The following CELF4 variants were observed in gnomAD, a reference collection of about 807,000 sequenced individuals.
The protein encoded by CELF4 is CUG-BP- and ETR-3-like factor 4.
Under a neutral mutation model 59.9 loss-of-function variants are expected in CELF4, and 18 were observed. The observed-to-expected ratio is 0.30, with a 90% CI of 0.21 to 0.45. The LOEUF (loss-of-function observed/expected upper bound fraction) is 0.45, where lower values mean the gene tolerates loss of function less well. Ranked by LOEUF, CELF4 falls within the 20% of genes least tolerant of loss-of-function variation. The probability of loss-of-function intolerance (pLI) is 1.00; values close to 1 mark genes in which losing one functional copy is unlikely to be tolerated. For missense variants in CELF4, 456 were observed against 689.0 expected, an observed-to-expected ratio of 0.66 and a Z score of 3.79; for synonymous variants, 261 against 267.1, an observed-to-expected ratio of 0.98 and a Z score of 0.22.
At chr18:37,483,348 T>C (rs1001084129) in intron 2 of CELF4, among the ~76,000 whole-genome samples, 4 of 152,232 alleles carry the variant, frequency 2.6e-5, no homozygotes, top group Non-Finnish European at 5.9e-5. Context: ...AATCCGGTCT[T>C]TTATTCCTGC....
chr18:37,409,533 G>A (rs868376168), intron 2 of CELF4, among the ~76,000 whole-genome samples: 1 of 152,122 alleles, frequency 6.6e-6, no homozygotes, highest in African/African-American at 2.4e-5. Flanking sequence ...TTTACTCTAC[G>A]CTATTCTGAA....
At chr18:37,526,979 G>A (rs2099964621) in intron 1 of CELF4, among the ~76,000 whole-genome samples, 1 of 152,094 alleles carries the variant, frequency 6.6e-6, no homozygotes, top group African/African-American at 2.4e-5. Context: ...TATAAAATGG[G>A]CAGTAGACCA....
chr18:37,339,720 C>G (rs955605304), intron 2 of CELF4, among the ~76,000 whole-genome samples: 3 of 150,620 alleles, frequency 2.0e-5, no homozygotes, highest in African/African-American at 4.9e-5. Flanking sequence ...CACTACTGTA[C>G]TCCAGCCTGG....
At chr18:37,437,232 AG>A (rs1221036539) in intron 2 of CELF4, among the ~76,000 whole-genome samples, 1 of 152,190 alleles carries the variant, frequency 6.6e-6, no homozygotes, top group Admixed American at 6.5e-5. Context: ...AAGAATGAGA[AG>A]GCAGGAGAAG....
intron 3 of CELF4, among the ~76,000 whole-genome samples, chr18:37,280,990 A>G (rs2094066080): frequency 6.6e-6 from 1 of 152,240 alleles, no homozygotes; most frequent in African/African-American, 2.4e-5. Flanking sequence ...AACCTCCTGC[A>G]TCCTCCCATG....
At chr18:37,344,395 C>A (rs542716118) in intron 2 of CELF4, among the ~76,000 whole-genome samples, 5 of 152,224 alleles carry the variant, frequency 3.3e-5, no homozygotes, top group African/African-American at 1.2e-4. Flanking sequence ...TGGGGTGCCA[C>A]GGGGCAGAGA....
chr18:37,266,983 G>C (rs2077956645), intron 8 of CELF4, among the ~76,000 whole-genome samples: 1 of 150,946 alleles, frequency 6.6e-6, no homozygotes, highest in South Asian at 2.1e-4. Flanking sequence ...GGGCTGTGGG[G>C]AAAGGGGAGG....
intron 2 of CELF4, among the ~76,000 whole-genome samples, chr18:37,363,242 C>T (rs1356316317): frequency 6.6e-6 from 1 of 152,094 alleles, no homozygotes; most frequent in Non-Finnish European, 1.5e-5. Flanking sequence ...TCAAAAAAAT[C>T]CCATTAGTAG....
chr18:37,431,275 T>C (rs1264257016), intron 2 of CELF4, among the ~76,000 whole-genome samples: 1 of 152,072 alleles, frequency 6.6e-6, no homozygotes, highest in Non-Finnish European at 1.5e-5. Context: ...GGAGGTCTTA[T>C]CATCTCATCT....
intron 1 of CELF4, among the ~76,000 whole-genome samples, chr18:37,536,062 G>A (rs1223686190): frequency 6.6e-6 from 1 of 152,160 alleles, no homozygotes; most frequent in Admixed American, 6.5e-5. Context: ...CATCCTGGGT[G>A]TCATCAATGC....
At chr18:37,421,089 T>C (rs1569569344) in intron 2 of CELF4, among the ~76,000 whole-genome samples, 1 of 152,170 alleles carries the variant, frequency 6.6e-6, no homozygotes, top group Non-Finnish European at 1.5e-5. Flanking sequence ...TTTCTGCCTC[T>C]TCCCCATCCC....
chr18:37,467,219 T>C (rs113004994), intron 2 of CELF4, among the ~76,000 whole-genome samples: 216 of 152,284 alleles, frequency 1.4e-3, no homozygotes, highest in African/African-American at 4.9e-3. Flanking sequence ...CAGAGTGCCC[T>C]CCTTTTAGGT....
At chr18:37,549,369 C>G (rs942085764) in intron 1 of CELF4, among the ~76,000 whole-genome samples, 1 of 152,140 alleles carries the variant, frequency 6.6e-6, no homozygotes. Context: ...AGGTTTGAGA[C>G]AGGGAAAAAA....
At chr18:37,271,882 G>A (rs1040324337) in intron 7 of CELF4, among the ~76,000 whole-genome samples, 2 of 152,214 alleles carry the variant, frequency 1.3e-5, no homozygotes, top group African/African-American at 4.8e-5. Context: ...CTGAGATGTG[G>A]ATATTATGGT....
chr18:37,345,263 G>A (rs1282915095), intron 2 of CELF4, among the ~76,000 whole-genome samples: 2 of 152,194 alleles, frequency 1.3e-5, no homozygotes. Context: ...AAAGCAAGAA[G>A]GTTCCCTTCA....
intron 1 of CELF4, among the ~76,000 whole-genome samples, chr18:37,504,374 G>C (rs117464265): frequency 6.7e-6 from 1 of 149,534 alleles, no homozygotes; most frequent in Admixed American, 6.7e-5. Context: ...CCTGTAATCC[G>C]AGCTACTCTG....
chr18:37,377,842 G>C (rs942714606), intron 2 of CELF4, among the ~76,000 whole-genome samples: 5 of 152,140 alleles, frequency 3.3e-5, no homozygotes, highest in Non-Finnish European at 7.3e-5. Context: ...GTGGGTTTCT[G>C]GGATATGGAA....
chr18:37,528,430 C>G (rs2099966095), intron 1 of CELF4, among the ~76,000 whole-genome samples: 1 of 152,114 alleles, frequency 6.6e-6, no homozygotes, highest in Non-Finnish European at 1.5e-5. Flanking sequence ...ACCTAAATGT[C>G]TTATCGGTGG....
At chr18:37,443,487 A>G (rs188722065) in intron 2 of CELF4, among the ~76,000 whole-genome samples, 1 of 152,018 alleles carries the variant, frequency 6.6e-6, no homozygotes, top group African/African-American at 2.4e-5. Context: ...CCCACCACCG[A>G]AGTGTGTGCA....
Sources: gnomAD v4.1 joint callset for allele counts (sites outside exome capture counted in the v4.1 genomes callset) on GRCh38, gnomAD v4.1.1 for gene constraint, MANE v1.5 for transcripts, NCBI Gene and HGNC (gene_info 2026-07-23, HGNC 2026-07-21) for gene names.